CORIN: variants seen among roughly 807,000 people sequenced by gnomAD.
The protein encoded by CORIN is corin, serine peptidase.
Under a neutral mutation model 125.3 loss-of-function variants are expected in CORIN, and 117 were observed. The ratio of observed to expected loss-of-function variants is 0.93; its 90% CI spans 0.80 to 1.09. The LOEUF (loss-of-function observed/expected upper bound fraction) is 1.09. CORIN is among the 50% of genes least tolerant of loss of function. The pLI, the probability that CORIN is intolerant of heterozygous loss-of-function variation, is 0.00. For missense variants in CORIN, 1,253 were observed against 1,306.7 expected (o/e 0.96, Z 0.63); for synonymous variants, 450 against 466.4 (o/e 0.96, Z 0.45).
chr4:47,709,944 T>C (rs1241044505), intron 5 of CORIN, among the ~76,000 whole-genome samples: 3 of 152,252 alleles, frequency 2.0e-5, no homozygotes, highest in African/African-American at 7.2e-5. Context: ...CAATAAATTA[T>C]TTCAAAATAC....
At chr4:47,759,041 A>G (rs112685427) in intron 4 of CORIN, among the ~76,000 whole-genome samples, 118 of 152,334 alleles carry the variant, frequency 7.7e-4, no homozygotes, top group African/African-American at 2.7e-3. Flanking sequence ...GATCCAATAA[A>G]TAAATCCATG....
intron 3 of CORIN, among the ~76,000 whole-genome samples, chr4:47,767,749 A>G (rs1012679601): frequency 1.3e-5 from 2 of 152,222 alleles, no homozygotes; most frequent in African/African-American, 4.8e-5. Flanking sequence ...AAACCTTACA[A>G]TCGACACCAC....
chr4:47,814,331 C>G (rs1732175552), intron 1 of CORIN, among the ~76,000 whole-genome samples: 1 of 152,150 alleles, frequency 6.6e-6, no homozygotes, highest in Non-Finnish European at 1.5e-5. Flanking sequence ...CAACTTGGAA[C>G]TTTGTCCTGC....
At chr4:47,812,199 A>T (rs752948018) in intron 1 of CORIN, among the ~76,000 whole-genome samples, 3 of 152,184 alleles carry the variant, frequency 2.0e-5, no homozygotes, top group Non-Finnish European at 4.4e-5. Flanking sequence ...AAAAAAAATT[A>T]TCAACACTAT....
At chr4:47,781,215 G>A (rs1026459304) in intron 3 of CORIN, among the ~76,000 whole-genome samples, 2 of 152,116 alleles carry the variant, frequency 1.3e-5, no homozygotes, top group African/African-American at 4.8e-5. Flanking sequence ...ACACAAATAG[G>A]TTGTAAGTGA....
intron 19 of CORIN, among the ~76,000 whole-genome samples, chr4:47,608,828 A>G (rs1721759756): frequency 6.6e-6 from 1 of 152,182 alleles, no homozygotes; most frequent in Non-Finnish European, 1.5e-5. Flanking sequence ...TCTGGAGGCA[A>G]AAATCAGTCT....
At chr4:47,705,314 T>A (rs1348741641) in intron 5 of CORIN, among the ~76,000 whole-genome samples, 1 of 152,226 alleles carries the variant, frequency 6.6e-6, no homozygotes, top group East Asian at 1.9e-4. Context: ...ATGGTTTACG[T>A]CTTCATAAAC....
intron 2 of CORIN, among the ~76,000 whole-genome samples, chr4:47,800,578 G>A (rs4235152): frequency 0.088 from 13,328 of 152,178 alleles, 734 homozygotes; most frequent in East Asian, 0.27. Context: ...ACTGAAGGGC[G>A]CTGGAGAGGG....
At chr4:47,812,579 C>T (rs550596588) in intron 1 of CORIN, among the ~76,000 whole-genome samples, 2 of 152,116 alleles carry the variant, frequency 1.3e-5, no homozygotes, top group Non-Finnish European at 2.9e-5. Flanking sequence ...AACATTCAAG[C>T]TGAAAGAGTA....
chr4:47,761,882 G>A (rs1729477800), intron 4 of CORIN, among the ~76,000 whole-genome samples: 1 of 152,080 alleles, frequency 6.6e-6, no homozygotes, highest in South Asian at 2.1e-4. Flanking sequence ...AGTACTCCCA[G>A]CTAGCTGAGG....
intron 4 of CORIN, among the ~76,000 whole-genome samples, chr4:47,750,555 G>T (rs184842663): frequency 6.6e-6 from 1 of 152,320 alleles, no homozygotes; most frequent in African/African-American, 2.4e-5. Flanking sequence ...GTAGGCTGCT[G>T]CAGGGAGCTG....
In CORIN at chr4:47,833,386, C is replaced by CA. The variant is rs564498670; in HGVS notation, c.63+4500dup. 3.0e-4 allele frequency among the ~76,000 whole-genome samples: 45 copies of CA among 151,998 alleles called. No homozygotes were observed. In the East Asian group the frequency reaches 8.1e-3, roughly 27 times the overall value. ...TTGGAACTTTATCTCATGCCATGCA[C>CA]AAAAATCAAGTTAAAATGGATTAAA... On this transcript the variant is annotated intron_variant, in intron 1 of 21. Coordinates refer to ENST00000273857, the MANE Select transcript of CORIN (RefSeq NM_006587.4).
intron 2 of CORIN, among the ~76,000 whole-genome samples, chr4:47,805,148 A>AAATAATAATAAT (rs1553919339): frequency 7.0e-5 from 9 of 129,162 alleles, no homozygotes; most frequent in African/African-American, 2.6e-4. Flanking sequence ...AAAAAAAAAA[A>AAATAATAATAAT]AATAATAATA....
At chr4:47,764,109 A>G (rs1381480919) in intron 3 of CORIN, among the ~76,000 whole-genome samples, 1 of 152,254 alleles carries the variant, frequency 6.6e-6, no homozygotes, top group Non-Finnish European at 1.5e-5. Flanking sequence ...ACAATAGAAT[A>G]TTTAATTTAG....
At chr4:47,657,156 T>A (rs1483662772) in intron 12 of CORIN, among the ~76,000 whole-genome samples, 1 of 152,118 alleles carries the variant, frequency 6.6e-6, no homozygotes, top group Admixed American at 6.5e-5. Context: ...GGAAAGATAA[T>A]CCATGTTCAT....
chr4:47,674,516 A>G lies in CORIN; in HGVS notation c.1250-16T>C. ...GAAGTCTGAACTACAGAGGGAGGAA[A>G]AGGCACATTGGCTTTCATCATCTAC... On this transcript the variant is annotated splice_polypyrimidine_tract_variant and intron_variant, in intron 9 of 21. Coordinates refer to ENST00000273857, the MANE Select transcript of CORIN (RefSeq NM_006587.4). 6.7e-7 allele frequency: 1 copy of G among 1,493,922 alleles called. No individual in the cohort carries two copies. Among genetic ancestry groups the G allele is most frequent in the Non-Finnish European group, 9.3e-7 (1 of 1,070,554 alleles). The allele number at this position is 1,493,922 out of a possible 1,614,324, so 92.5% of individuals were successfully genotyped here. A position where few individuals can be genotyped will look rare whatever the true frequency, so the allele number is the denominator to read the frequency against.
chr4:47,835,394 T>C (rs1733341175), intron 1 of CORIN, among the ~76,000 whole-genome samples: 1 of 152,202 alleles, frequency 6.6e-6, no homozygotes, highest in African/African-American at 2.4e-5. Context: ...CAATTCAGTG[T>C]TGCGGCTCTC....
chr4:47,646,076 G>T (rs1449546241), intron 13 of CORIN, among the ~76,000 whole-genome samples: 2 of 147,548 alleles, frequency 1.4e-5, no homozygotes, highest in Non-Finnish European at 3.0e-5. Flanking sequence ...GTGACATAGG[G>T]GACATGGAGA....
At chr4:47,764,071 A>C (rs1009377899) in intron 3 of CORIN, among the ~76,000 whole-genome samples, 1 of 152,190 alleles carries the variant, frequency 6.6e-6, no homozygotes, top group African/African-American at 2.4e-5. Flanking sequence ...ATTCAGCAAA[A>C]AGAATTGTTC....
Sources: gnomAD v4.1 joint callset for allele counts (sites outside exome capture counted in the v4.1 genomes callset) on GRCh38, gnomAD v4.1.1 for gene constraint, MANE v1.5 for transcripts, NCBI Gene and HGNC (gene_info 2026-07-23, HGNC 2026-07-21) for gene names.